UBE3A: variants seen among roughly 807,000 people sequenced by gnomAD.
The protein encoded by UBE3A is ubiquitin-protein ligase E3A.
Under a neutral mutation model 83.4 loss-of-function variants are expected in UBE3A, and 6 were observed. The ratio of observed to expected loss-of-function variants is 0.07; its 90% CI spans 0.04 to 0.14. UBE3A has a LOEUF of 0.14. UBE3A is among the 10% of genes least tolerant of loss of function. UBE3A has a pLI of 1.00. For missense variants in UBE3A, 456 were observed against 1,036.1 expected (o/e 0.44, Z 7.69); for synonymous variants, 337 against 355.4 (o/e 0.95, Z 0.58).
chr15:25,335,369 C>G lies in UBE3A; in HGVS notation c.*3768G>C, dbSNP rs1389016889. ...TTGGAAAGGTCAGTGAGGGGGCAAT[C>G]TGTGGAGGCACTGAATGCAGAGGAT... On this transcript the variant is annotated 3_prime_UTR_variant, in exon 13 of 13. Transcript: ENST00000648336. 6.6e-6 allele frequency: 1 copy of G among 152,268 alleles called. No homozygotes were observed. Among genetic ancestry groups the G allele is most frequent in the Non-Finnish European group, 1.5e-5 (1 of 68,116 alleles). 9.4% of individuals were successfully genotyped at this position (152,268 alleles called of 1,614,324 possible). A position where few individuals can be genotyped will look rare whatever the true frequency, so the allele number is the denominator to read the frequency against.
intron 11 of UBE3A, among the ~76,000 whole-genome samples, chr15:25,343,253 G>A (rs1360396969): frequency 6.6e-6 from 1 of 152,118 alleles, no homozygotes; most frequent in Non-Finnish European, 1.5e-5. Flanking sequence ...AGAGTCTGGC[G>A]AATGAGAAGC....
chr15:25,414,483 T>C (rs1271787486), intron 1 of UBE3A, among the ~76,000 whole-genome samples: 5 of 152,140 alleles, frequency 3.3e-5, no homozygotes, highest in Non-Finnish European at 7.4e-5. Context: ...AGTGTTGTGA[T>C]GGAGAGATAC....
intron 11 of UBE3A, among the ~76,000 whole-genome samples, chr15:25,341,695 G>A (rs1187591130): frequency 6.7e-6 from 1 of 149,402 alleles, no homozygotes; most frequent in Non-Finnish European, 1.5e-5. Flanking sequence ...CATGGGAGGC[G>A]GAGGCTGCAA....
intron 1 of UBE3A, among the ~76,000 whole-genome samples, chr15:25,420,976 T>C (rs964911732): frequency 2.0e-5 from 3 of 152,218 alleles, no homozygotes; most frequent in African/African-American, 7.2e-5. Flanking sequence ...TACTCAACCT[T>C]AAAGAATCAA....
At chr15:25,381,909 A>T (rs1345612834) in intron 4 of UBE3A, among the ~76,000 whole-genome samples, 7 of 152,258 alleles carry the variant, frequency 4.6e-5, no homozygotes, top group Non-Finnish European at 1.0e-4. Context: ...ACTCATTAGT[A>T]CCATGAACCG....
At chr15:25,413,017 C>T (rs1310034390) in intron 1 of UBE3A, 1 of 451,422 alleles carries the variant, frequency 2.2e-6, no homozygotes, top group African/African-American at 2.0e-5. Flanking sequence ...TCACATGACA[C>T]ACAGATCTCA....
chr15:25,356,174 TAG>T, intron 8 of UBE3A, 118 bp from the exon 9 acceptor site: 1 of 1,272,552 alleles, frequency 7.9e-7, no homozygotes, highest in Non-Finnish European at 1.1e-6. Flanking sequence ...GTAAAAAGTG[TAG>T]ACAGTATCCC....
intron 11 of UBE3A, among the ~76,000 whole-genome samples, chr15:25,353,084 T>C (rs1367952056): frequency 6.6e-6 from 1 of 152,214 alleles, no homozygotes; most frequent in Non-Finnish European, 1.5e-5. Flanking sequence ...TCAATCATAT[T>C]ACAGAGATAT....
chr15:25,430,175 A>G (rs1162844695), intron 1 of UBE3A, among the ~76,000 whole-genome samples: 2 of 10,964 alleles, frequency 1.8e-4, no homozygotes, highest in African/African-American at 7.3e-4. Flanking sequence ...TTATATATAT[A>G]TTATATATAT....
At chr15:25,359,460 T>A (rs1048534155) in intron 7 of UBE3A, among the ~76,000 whole-genome samples, 7 of 145,574 alleles carry the variant, frequency 4.8e-5, no homozygotes, top group African/African-American at 1.9e-4. Flanking sequence ...TGTGTGTGTG[T>A]GTGACTAAGA....
At chr15:25,362,901 GA>G (rs1195919502) in intron 6 of UBE3A, among the ~76,000 whole-genome samples, 2 of 151,550 alleles carry the variant, frequency 1.3e-5, no homozygotes, top group East Asian at 1.9e-4. Flanking sequence ...CCAAAGTGGG[GA>G]AAAAAAAGGT....
chr15:25,352,290 GTTTTTA>G (rs1387883082), intron 11 of UBE3A, among the ~76,000 whole-genome samples: 5 of 152,182 alleles, frequency 3.3e-5, no homozygotes, highest in African/African-American at 1.2e-4. Context: ...CAGCCTCGCA[GTTTTTA>G]TTTTTATGAA....
rs2077135631 is a variant in UBE3A, at chr15:25,355,773, CTTAG to C, written c.2124+115_2124+118del. ...AAGTGGACTCTAGCATTTACATAAA[CTTAG>C]TTACTTGTTTTTTTTTTGTACAGAC... On this transcript the variant is annotated intron_variant, in intron 9 of 12. Coordinates refer to ENST00000648336, the MANE Select transcript of UBE3A (RefSeq NM_130839.5). The C allele has an allele frequency of 3.1e-5, 32 of 1,031,728 alleles. 1 individual carries two copies. In the South Asian group the frequency reaches 3.5e-4, roughly 11 times the overall value. 63.9% of individuals were successfully genotyped at this position (1,031,728 alleles called of 1,614,324 possible).
rs1231109096 is a variant in UBE3A at position 25,371,460 on chromosome 15, C to T, written c.714G>A (p.Arg238=). 4 of 1,614,006 alleles carry T rather than the reference C, an allele frequency of 2.5e-6. No individual in the cohort carries two copies. In the Admixed American group the frequency reaches 5.0e-5, roughly 20 times the overall value. The change falls in exon 6 of 13, where the codon AGG becomes AGA. Residue 238 remains arginine, a synonymous_variant. Coordinates refer to ENST00000648336, the MANE Select transcript of UBE3A (RefSeq NM_130839.5). The surrounding 1 kb of genome is among the most constrained non-coding windows in gnomAD (Gnocchi z 5.3). ...CATTAGAGAGCAATCTGGTGTAGAC[C>T]CTTCTAATGGCATCAATATCCACAG... ...DVSVDIDAIR[R]VYTRLLSNEK...
chr15:25,423,596 T>C (rs957143720), intron 1 of UBE3A, among the ~76,000 whole-genome samples: 7 of 152,314 alleles, frequency 4.6e-5, no homozygotes, highest in Admixed American at 3.3e-4. Flanking sequence ...ATTTAGAGTA[T>C]TCCATCTCAG....
At chr15:25,384,856 G>A (rs1306368111) in intron 4 of UBE3A, among the ~76,000 whole-genome samples, 1 of 152,146 alleles carries the variant, frequency 6.6e-6, no homozygotes, top group East Asian at 1.9e-4. Context: ...CAGAAATAGG[G>A]AAAAGAGGTT....
intron 1 of UBE3A, among the ~76,000 whole-genome samples, chr15:25,421,065 TA>T (rs1223483547): frequency 2.0e-5 from 3 of 152,230 alleles, no homozygotes; most frequent in Non-Finnish European, 1.5e-5. Context: ...AATCTCATGT[TA>T]AAATATAATC....
rs1555397825 is a variant in UBE3A, at chr15:25,367,275, A to ACATATTTGTAAATATGTAAATATTTG, written c.1608+3290_1608+3291insCAAATATTTACATATTTACAAATATG. Among the ~76,000 whole-genome samples, 27 of 111,390 alleles carry ACATATTTGTAAATATGTAAATATTTG rather than the reference A, an allele frequency of 2.4e-4. 1 individual carries two copies. The highest frequency in any genetic ancestry group is 6.1e-4 in the East Asian group (1 of 1,642). The allele number at this position is 111,390 out of a possible 152,430, so 73.1% of individuals were successfully genotyped here. ...CATATTTGTAAATATGTAAATATTT[A>ACATATTTGTAAATATGTAAATATTTG]CATATTTAAATTAAATTAATTTACA... On this transcript the variant is annotated intron_variant, in intron 6 of 12. Transcript: ENST00000648336.
intron 1 of UBE3A, among the ~76,000 whole-genome samples, chr15:25,435,082 T>A (rs1010783603): frequency 6.7e-6 from 1 of 148,630 alleles, no homozygotes; most frequent in African/African-American, 2.5e-5. Flanking sequence ...AATGAAGTAA[T>A]GCATGTGCCA....
Sources: gnomAD v4.1 joint callset for allele counts (sites outside exome capture counted in the v4.1 genomes callset) on GRCh38, gnomAD v4.1.1 for gene constraint, Gnocchi (gnomAD v3.1) non-coding constraint, MANE v1.5 for transcripts, NCBI Gene and HGNC (gene_info 2026-07-23, HGNC 2026-07-21) for gene names.